MGAM: variants seen among roughly 807,000 people sequenced by gnomAD.
MGAM encodes alpha-1,4-glucosidase.
A neutral mutation model predicts 358.8 loss-of-function variants in MGAM; 253 were observed. That is an observed-to-expected ratio of 0.71 (90% CI 0.64 to 0.78). The LOEUF (loss-of-function observed/expected upper bound fraction) is 0.78. Ranked by LOEUF, MGAM falls within the 30% of genes least tolerant of loss-of-function variation. MGAM has a pLI of 0.00. For synonymous variants in MGAM, 1,105 were observed against 1,227.1 expected (o/e 0.90, Z 2.08); for missense variants, 3,080 against 3,432.6 (o/e 0.90, Z 2.57).
At chr7:142,036,784 G>A (rs1808030431) in intron 17 of MGAM, 39 bp from the exon 18 acceptor site, 2 of 1,598,878 alleles carry the variant, frequency 1.3e-6, no homozygotes, top group African/African-American at 1.3e-5. Flanking sequence ...CTGCTATCCT[G>A]CAGCCAAACC....
intron 14 of MGAM, 115 bp downstream of exon 14, chr7:142,033,024 AAG>A (rs1324086592): frequency 1.7e-6 from 1 of 604,108 alleles, no homozygotes; most frequent in Non-Finnish European, 2.8e-6. Flanking sequence ...TGCATAGAAA[AAG>A]AAATATGTGG....
Position 142,036,239 on chromosome 7 carries a change from G to T in MGAM, c.2030G>T (p.Gly677Val). 6.2e-7 allele frequency: 1 copy of T among 1,611,802 alleles called. No homozygotes were observed. Among genetic ancestry groups the T allele is most frequent in the Non-Finnish European group, 8.5e-7 (1 of 1,179,048 alleles). Residue 677 changes from glycine to valine, a missense_variant, in exon 17 of 71, where the codon GGT becomes GTT. By Grantham distance (109) the Gly-to-Val change is moderately radical. Coordinates refer to ENST00000475668, the MANE Select transcript of MGAM (RefSeq NM_001365693.1). The part of the protein sequence containing the change: ...EELCRRWMQL[G>V]AFYPFSRNHN... ...CTCTGTAGGCGGTGGATGCAGTTGG[G>T]TGCATTTTATCCGTTTTCTAGAAAT... is the stretch of plus-strand genomic sequence containing the variant.
At chr7:141,999,246 T>C (rs1484006593) in intron 1 of MGAM, among the ~76,000 whole-genome samples, 5 of 152,220 alleles carry the variant, frequency 3.3e-5, no homozygotes, top group Non-Finnish European at 7.3e-5. Flanking sequence ...ATGAATGATC[T>C]TGGCAAATGA....
At chr7:142,005,698 AT>A in intron 2 of MGAM, 41 bp downstream of exon 2, 1 of 1,572,872 alleles carries the variant, frequency 6.4e-7, no homozygotes, top group Non-Finnish European at 8.6e-7. Context: ...TGTTGTTTTT[AT>A]TAGAGCAAAC....
chr7:142,041,114 T>C (rs1427338566), intron 21 of MGAM, among the ~76,000 whole-genome samples: 1 of 152,100 alleles, frequency 6.6e-6, no homozygotes, highest in Non-Finnish European at 1.5e-5. Context: ...GAACCTTGAC[T>C]CTCCTCCCTC....
At chr7:142,006,524 A>C (rs1554452487) in intron 2 of MGAM, among the ~76,000 whole-genome samples, 2 of 152,076 alleles carry the variant, frequency 1.3e-5, no homozygotes, top group African/African-American at 2.4e-5. Context: ...TTTGCTCTTG[A>C]CTGGTCTGCT....
intron 7 of MGAM, among the ~76,000 whole-genome samples, chr7:142,024,162 G>T (rs1806729431): frequency 6.6e-6 from 1 of 152,056 alleles, no homozygotes; most frequent in South Asian, 2.1e-4. Context: ...CCAGGAGGCA[G>T]AGCTTGCAGT....
Position 142,056,859 on chromosome 7 carries a change from A to G in MGAM, c.3610A>G (p.Thr1204Ala), listed in dbSNP as rs1811597927. The change falls in exon 30 of 71, where the codon ACA (threonine) becomes GCA (alanine). Residue 1204 changes from threonine to alanine, a missense_variant. Transcript: ENST00000475668. ...DVTFQPLPALTYRTTGGVLDF... is the reference protein window; with the variant it reads ...DVTFQPLPALAYRTTGGVLDF... Reference sequence around the variant, plus strand: ...GACGTTCCAGCCCCTGCCTGCCTTGACATACCGCACCACAGGGGGAGTTCT... The same window carrying G: ...GACGTTCCAGCCCCTGCCTGCCTTGGCATACCGCACCACAGGGGGAGTTCT... 6.2e-7 allele frequency: 1 copy of G among 1,613,794 alleles called. No homozygotes were observed. The highest frequency in any genetic ancestry group is 1.1e-5 in the South Asian group (1 of 91,064).
intron 1 of MGAM, among the ~76,000 whole-genome samples, chr7:142,001,609 G>A (rs1804744489): frequency 6.6e-6 from 1 of 152,146 alleles, no homozygotes; most frequent in Non-Finnish European, 1.5e-5. Flanking sequence ...TGTAGCTATG[G>A]CTCCTCTTCC....
intron 18 of MGAM, 107 bp from the exon 19 acceptor site, chr7:142,038,424 C>T: frequency 3.6e-6 from 3 of 830,776 alleles, no homozygotes; most frequent in South Asian, 3.4e-5. Flanking sequence ...GGGGGTTTGC[C>T]TGGGCAGACG....
rs764960771 is a variant in MGAM at position 142,059,455 on chromosome 7, C to G, written c.3820-17C>G. 1.9e-6 allele frequency: 3 copies of G among 1,603,000 alleles called. No individual in the cohort carries two copies. The highest frequency in any genetic ancestry group is 1.7e-6 in the Non-Finnish European group (2 of 1,173,018). On this transcript the variant is annotated splice_polypyrimidine_tract_variant and intron_variant, in intron 31 of 70. Coordinates refer to ENST00000475668, the MANE Select transcript of MGAM (RefSeq NM_001365693.1). ...GTGTACAGCAGCAGCCTCTCAGCTC[C>G]CCATGTCCTCCCGCAGGATGTGCAG...
intron 26 of MGAM, among the ~76,000 whole-genome samples, chr7:142,054,434 G>T (rs1811294093): frequency 6.6e-6 from 1 of 151,844 alleles, no homozygotes; most frequent in Admixed American, 6.6e-5. Flanking sequence ...ATGATTTTAA[G>T]TTATTTATAT....
chr7:142,076,398 G>A lies in MGAM; in HGVS notation c.5325+146G>A, dbSNP rs566535319. ...GCACATTTCTATTTATGATTTCATC[G>A]ATGTTTTCAAAAGGAGGCATTAATA... On this transcript the variant is annotated intron_variant, in intron 46 of 70. Coordinates refer to ENST00000475668, the MANE Select transcript of MGAM (RefSeq NM_001365693.1). 46 of 979,988 alleles carry A rather than the reference G, an allele frequency of 4.7e-5. 3 individuals are homozygous for A. The highest frequency in any genetic ancestry group is 4.3e-4 in the South Asian group (33 of 76,658). The allele number at this position is 979,988 out of a possible 1,614,324, so 60.7% of individuals were successfully genotyped here. A position where few individuals can be genotyped will look rare whatever the true frequency, so the allele number is the denominator to read the frequency against.
rs534489763 is a variant in MGAM, at chr7:142,034,936, G to A, written c.1959+95G>A. ...ACCACAAAGCTCCCCTCTCCTGCCT[G>A]CCATGGCTGGGGATTTAATATCTTG... On this transcript the variant is annotated intron_variant, in intron 16 of 70. Transcript: ENST00000475668. 6.1e-4 allele frequency: 746 copies of A among 1,215,018 alleles called. 1 individual carries two copies. Among genetic ancestry groups the A allele is most frequent in the Non-Finnish European group, 7.9e-4 (684 of 871,168 alleles). The allele number at this position is 1,215,018 out of a possible 1,614,324, so 75.3% of individuals were successfully genotyped here. A position where few individuals can be genotyped will look rare whatever the true frequency, so the allele number is the denominator to read the frequency against.
chr7:142,032,725 T>A (rs1554464247), intron 13 of MGAM, 100 bp from the exon 14 acceptor site: 1 of 702,956 alleles, frequency 1.4e-6, no homozygotes, highest in African/African-American at 1.8e-5. Flanking sequence ...CTTTAAAATA[T>A]CTGGAATAAT....
At position 142,044,104 on chromosome 7, in the gene MGAM, A is replaced by G. The variant is rs868836860; in HGVS notation, c.2498+3258A>G. Reference sequence around the variant, plus strand: ...TATATACACATACGACGTATAATATATACATTATATACACATACGACGTAT... The same window carrying G: ...TATATACACATACGACGTATAATATGTACATTATATACACATACGACGTAT... On this transcript the variant is annotated intron_variant, in intron 21 of 70. Coordinates refer to ENST00000475668, the MANE Select transcript of MGAM (RefSeq NM_001365693.1). 2.7e-3 allele frequency among the ~76,000 whole-genome samples: 341 copies of G among 124,446 alleles called. 7 individuals carry two copies. The highest frequency in any genetic ancestry group is 0.01 in the African/African-American group (265 of 26,102). 81.6% of individuals were successfully genotyped at this position (124,446 alleles called of 152,430 possible).
intron 44 of MGAM, among the ~76,000 whole-genome samples, chr7:142,073,701 A>G (rs1205383727): frequency 6.8e-6 from 1 of 146,222 alleles, no homozygotes; most frequent in Admixed American, 6.9e-5. Context: ...TCCTCACAGC[A>G]CTGGACACTT....
In MGAM at chr7:142,103,367, C is replaced by G. The variant is rs372718631; in HGVS notation, c.8112C>G (p.Pro2704=). ...AAATCTGGGGAGTGGGCAGTGTCCC[C>G]GTTACCAGTGTCAGCATCTCTGTGA... ...YIEIWGVGSV[P]VTSVSISVSG... Residue 2704 remains proline, a synonymous_variant, in exon 70 of 71, where the codon CCC becomes CCG. Transcript: ENST00000475668. 2.4e-5 allele frequency: 39 copies of G among 1,613,094 alleles called. No homozygotes were observed. In the South Asian group the frequency reaches 3.4e-4, roughly 14 times the overall value.
At chr7:142,030,896 T>G (rs1554463420) in intron 12 of MGAM, 139 bp downstream of exon 12, 11 of 650,082 alleles carry the variant, frequency 1.7e-5, no homozygotes, top group Non-Finnish European at 2.6e-5. Context: ...GGGGATAAAT[T>G]CTCCTCTGCC....
Sources: gnomAD v4.1 joint callset for allele counts (sites outside exome capture counted in the v4.1 genomes callset) on GRCh38, gnomAD v4.1.1 for gene constraint, MANE v1.5 for transcripts, NCBI Gene and HGNC (gene_info 2026-07-23, HGNC 2026-07-21) for gene names.